The following SLC1A6 variants were observed in gnomAD, a reference collection of about 807,000 sequenced individuals.
The protein encoded by SLC1A6 is excitatory amino acid transporter 4.
SLC1A6 carries 15 observed loss-of-function variants against 42.1 expected under a neutral mutation model. The observed-to-expected ratio is 0.36, with a 90% CI of 0.24 to 0.55. The LOEUF (loss-of-function observed/expected upper bound fraction) is 0.55. Among genes scored for constraint, SLC1A6 ranks in the 20% least tolerant of loss-of-function variants. The pLI, the probability that SLC1A6 is intolerant of heterozygous loss-of-function variation, is 0.88. For missense variants in SLC1A6, 542 were observed against 772.5 expected (o/e 0.70, Z 3.54); for synonymous variants, 317 against 319.7 (o/e 0.99, Z 0.09).
upstream of SLC1A6, among the ~76,000 whole-genome samples, chr19:14,984,672 G>A (rs2045784510): frequency 6.6e-6 from 1 of 152,148 alleles, no homozygotes; most frequent in African/African-American, 2.4e-5. Context: ...AACCATGCAT[G>A]ATTTTGAAAC....
At chr19:14,990,786 C>CAAAAAA (rs60926365) in intron 1 of SLC1A6, among the ~76,000 whole-genome samples, 18 of 124,676 alleles carry the variant, frequency 1.4e-4, no homozygotes, top group South Asian at 2.4e-4. Flanking sequence ...CAAAACAAAA[C>CAAAAAA]AAAAAAAAAA....
chr19:14,984,860 T>C (rs2045785444), upstream of SLC1A6, among the ~76,000 whole-genome samples: 1 of 151,872 alleles, frequency 6.6e-6, no homozygotes, highest in Non-Finnish European at 1.5e-5. Context: ...TTAAAAATTA[T>C]AATTTTCACT....
chr19:14,967,240 T>C (rs376028955), intron 4 of SLC1A6, among the ~76,000 whole-genome samples: 84 of 152,326 alleles, frequency 5.5e-4, no homozygotes, highest in African/African-American at 2.0e-3. Flanking sequence ...GTGGATACTA[T>C]GGGTGCTGCT....
intron 1 of SLC1A6, among the ~76,000 whole-genome samples, chr19:14,996,536 T>TCTTCTTCTTCTTCTTCTTCTTCTTCTC: frequency 7.2e-6 from 1 of 139,078 alleles, no homozygotes; most frequent in African/African-American, 2.8e-5. Context: ...TCTTTCTTCT[T>TCTTCTTCTTCTTCTTCTTCTTCTTCTC]CTTCTTCTTC....
chr19:14,971,663 AT>A (rs1405569475), intron 3 of SLC1A6, 73 bp downstream of exon 3: 1 of 1,465,504 alleles, frequency 6.8e-7, no homozygotes, highest in Non-Finnish European at 9.4e-7. Context: ...CATGCTTGGG[AT>A]GGCCTTGGCT....
intron 4 of SLC1A6, among the ~76,000 whole-genome samples, chr19:14,968,011 T>C (rs1268265156): frequency 2.0e-5 from 3 of 152,202 alleles, no homozygotes; most frequent in African/African-American, 7.2e-5. Context: ...CACCCCAAAG[T>C]GGACATGGGG....
intron 1 of SLC1A6, among the ~76,000 whole-genome samples, chr19:15,006,907 C>T (rs914427538): frequency 1.3e-4 from 20 of 152,066 alleles, no homozygotes; most frequent in Admixed American, 6.5e-4. Context: ...GAGCCATGAT[C>T]GTGCTACTGC....
Position 14,956,647 on chromosome 19 carries a change from G to A in SLC1A6, c.998C>T (p.Ala333Val), listed in dbSNP as rs1266742365. 7 of 1,613,726 alleles carry A rather than the reference G, an allele frequency of 4.3e-6. No homozygotes were observed. Among genetic ancestry groups the A allele is most frequent in the Non-Finnish European group, 5.1e-6 (6 of 1,179,910 alleles). Residue 333 changes from alanine to valine, a missense_variant, in exon 7 of 10, where the codon GCC (alanine) becomes GTC (valine). By Grantham distance (64) the Ala-to-Val change is moderately conservative. Transcript: ENST00000594383. The part of the protein sequence containing the change: ...AGKILEMEDM[A>V]VLGGQLGMYT... ...CATGCCCAGCTGACCCCCCAGGACG[G>A]CCATGTCTTCCATCTCCAGAATCTT...
chr19:15,010,450 C>G (rs1413664165), intron 1 of SLC1A6: 1 of 488,342 alleles, frequency 2.0e-6, no homozygotes. Flanking sequence ...GAGAGGAATG[C>G]CTGGTGAGAA....
intron 1 of SLC1A6, among the ~76,000 whole-genome samples, chr19:14,991,840 C>CTT (rs887859176): frequency 2.7e-5 from 3 of 110,144 alleles, no homozygotes; most frequent in Non-Finnish European, 5.7e-5. Flanking sequence ...CTGCTTTTTT[C>CTT]TTTTTTTTTT....
At chr19:15,007,999 TG>T (rs1168307715) in intron 1 of SLC1A6, among the ~76,000 whole-genome samples, 8 of 148,584 alleles carry the variant, frequency 5.4e-5, no homozygotes, top group African/African-American at 2.0e-4. Flanking sequence ...CACTCCAGCT[TG>T]GGAAACAAGA....
At chr19:15,005,710 T>C (rs2045893054) in intron 1 of SLC1A6, among the ~76,000 whole-genome samples, 1 of 152,204 alleles carries the variant, frequency 6.6e-6, no homozygotes, top group African/African-American at 2.4e-5. Context: ...CCAATTTCAA[T>C]GCTTAGATAA....
intron 1 of SLC1A6, among the ~76,000 whole-genome samples, chr19:14,992,190 T>G (rs2045823919): frequency 6.6e-6 from 1 of 152,256 alleles, no homozygotes; most frequent in East Asian, 1.9e-4. Flanking sequence ...TCTTGAACAT[T>G]CTGCTATTTG....
At chr19:15,003,585 A>G (rs1043497126) in intron 1 of SLC1A6, among the ~76,000 whole-genome samples, 4 of 151,406 alleles carry the variant, frequency 2.6e-5, no homozygotes, top group African/African-American at 9.7e-5. Context: ...AAGGGAAGAC[A>G]TCGGGGAACC....
At chr19:14,952,823 C>T in intron 9 of SLC1A6, 105 bp downstream of exon 9, 1 of 1,394,280 alleles carries the variant, frequency 7.2e-7, no homozygotes, top group Non-Finnish European at 9.6e-7. Flanking sequence ...AATTCTGGAC[C>T]ACTGCATCTT....
intron 3 of SLC1A6, 115 bp from the exon 4 acceptor site, chr19:14,968,622 C>T (rs925499898): frequency 6.8e-6 from 6 of 886,362 alleles, no homozygotes; most frequent in Non-Finnish European, 8.5e-6. Context: ...ACCAAGCATC[C>T]CTTTTCCTAT....
In SLC1A6 at chr19:14,961,982, G is replaced by T; in HGVS notation, c.935+20C>A. ...CCCAGCTCTGGCTCCACCATCCCGT[G>T]GGCACAGACCAGGACTCACCAGATA... On this transcript the variant is annotated intron_variant, in intron 6 of 9. Transcript: ENST00000594383. 1 of 1,590,050 alleles carries T rather than the reference G, an allele frequency of 6.3e-7. No homozygotes were observed. Among genetic ancestry groups the T allele is most frequent in the South Asian group, 1.1e-5 (1 of 88,658 alleles).
chr19:14,964,155 G>A, intron 5 of SLC1A6, 164 bp downstream of exon 5: 1 of 651,620 alleles, frequency 1.5e-6, no homozygotes, highest in South Asian at 1.9e-5. Flanking sequence ...AACCCCCCCA[G>A]ATCACCATGG....
rs114619050 is a variant in SLC1A6 at position 14,956,810 on chromosome 19, C to T, written c.936-101G>A. ...GCTTTGCCCATATAGGGCCCTGGAG[C>T]CACACAATACCCATGATACGGCACC... On this transcript the variant is annotated intron_variant, in intron 6 of 9. Coordinates refer to ENST00000594383, the MANE Select transcript of SLC1A6 (RefSeq NM_005071.3). The T allele has an allele frequency of 1.4e-3, 970 of 700,714 alleles. 2 individuals carry two copies. The highest frequency in any genetic ancestry group is 0.013 in the African/African-American group (723 of 56,208). 43.4% of individuals were successfully genotyped at this position (700,714 alleles called of 1,614,324 possible).
Sources: gnomAD v4.1 joint callset for allele counts (sites outside exome capture counted in the v4.1 genomes callset) on GRCh38, gnomAD v4.1.1 for gene constraint, MANE v1.5 for transcripts, NCBI Gene and HGNC (gene_info 2026-07-23, HGNC 2026-07-21) for gene names.